Variants in PNPLA7 observed in about 807,000 individuals in gnomAD.
The protein encoded by PNPLA7 is patatin like domain 7, lysophospholipase.
A neutral mutation model predicts 161.7 loss-of-function variants in PNPLA7; 153 were observed. The ratio of observed to expected loss-of-function variants is 0.95; its 90% CI spans 0.83 to 1.08. The LOEUF is 1.08. Ranked by LOEUF, PNPLA7 falls within the 50% of genes least tolerant of loss-of-function variation. The pLI is 0.00. For missense variants in PNPLA7, 1,739 were observed against 1,856.6 expected (o/e 0.94, Z 1.16); for synonymous variants, 809 against 782.1 (o/e 1.03, Z -0.57).
At chr9:137,548,982 C>T (rs1468264510) in intron 1 of PNPLA7, among the ~76,000 whole-genome samples, 2 of 152,174 alleles carry the variant, frequency 1.3e-5, no homozygotes, top group African/African-American at 4.8e-5. Context: ...CTTAAGGAAG[C>T]GAAGTGAGTC....
Position 137,486,350 on chromosome 9 carries a change from G to A in PNPLA7, c.2198-1614C>T, listed in dbSNP as rs1278344040. ...GCACTGCGGGTAAGAGCCTGTGAAC[G>A]GGGAACATGGCTCGGAGAACCAGCG... On this transcript the variant is annotated intron_variant, in intron 20 of 34. Coordinates refer to ENST00000406427, the MANE Select transcript of PNPLA7 (RefSeq NM_001098537.3). This position sits in a 1 kb window ranked among gnomAD's most constrained non-coding sequence, Gnocchi z 6.0. Among the ~76,000 whole-genome samples, 2 of 152,180 alleles carry A rather than the reference G, an allele frequency of 1.3e-5. No individual in the cohort carries two copies. The highest frequency in any genetic ancestry group is 1.9e-4 in the East Asian group (1 of 5,192).
intron 21 of PNPLA7, among the ~76,000 whole-genome samples, chr9:137,483,727 G>C (rs1172261931): frequency 6.6e-6 from 1 of 152,082 alleles, no homozygotes; most frequent in African/African-American, 2.4e-5. Context: ...AAAGTGCTGG[G>C]ATTACAGGCA....
At chr9:137,474,947 G>A (rs1389843580) in intron 25 of PNPLA7, among the ~76,000 whole-genome samples, 3 of 145,978 alleles carry the variant, frequency 2.1e-5, no homozygotes, top group Admixed American at 6.7e-5. Context: ...CGTGAACCTG[G>A]GAGGCGGAGC....
intron 22 of PNPLA7, 65 bp downstream of exon 22, chr9:137,480,895 G>A (rs373349798): frequency 6.8e-7 from 1 of 1,479,888 alleles, no homozygotes; most frequent in Non-Finnish European, 9.2e-7. Context: ...TGGACACAGT[G>A]GGGACACATC....
chr9:137,500,669 G>A lies in PNPLA7; in HGVS notation c.1757+22C>T, dbSNP rs1431137599. The A allele has an allele frequency of 4.3e-6, 7 of 1,609,582 alleles. No homozygotes were observed. The African/African-American group carries it at 8.0e-5, about 18-fold the overall frequency. ...CAGGGGGGGCTGGGGCCCGCCCTGA[G>A]GTCCTGGCCCGTGGGACTCACTCAT... is the stretch of plus-strand genomic sequence containing the variant. On this transcript the variant is annotated intron_variant, in intron 16 of 34. Coordinates refer to ENST00000406427, the MANE Select transcript of PNPLA7 (RefSeq NM_001098537.3). This position sits in a 1 kb window ranked among gnomAD's most constrained non-coding sequence, Gnocchi z 5.5.
In PNPLA7 at chr9:137,495,781, C is replaced by T. The variant is rs536544030; in HGVS notation, c.2014-635G>A. ...TTTTTAAGATGTGTCCCTCAGCCTG[C>T]GGGAGCCCTGCCCTCTGGCACTGAG... On this transcript the variant is annotated intron_variant, in intron 18 of 34. Transcript: ENST00000406427. Among the ~76,000 whole-genome samples the T allele has an allele frequency of 2.3e-3, 355 of 152,268 alleles. 3 individuals are homozygous for T. The highest frequency in any genetic ancestry group is 0.018 in the South Asian group (85 of 4,824).
At position 137,546,841 on chromosome 9, in the gene PNPLA7, T is replaced by C. The variant is rs1836555952; in HGVS notation, c.262A>G (p.Ile88Val). Residue 88 changes from isoleucine (I) to valine (V), a missense_variant, in exon 4 of 35, where the codon ATC (isoleucine) becomes GTC (valine). Ile to Val is a conservative substitution (Grantham distance 29, BLOSUM62 3). Coordinates refer to ENST00000406427, the MANE Select transcript of PNPLA7 (RefSeq NM_001098537.3). Reference sequence around the variant, plus strand: ...CGAGCAACAGCTACCTTCCTCATGATCTTCCGGCCGTAAAACATCACTTTG... The same window carrying C: ...CGAGCAACAGCTACCTTCCTCATGACCTTCCGGCCGTAAAACATCACTTTG... ...RDKVMFYGRK[I>V]MRKVTTLPNT... The C allele has an allele frequency of 6.2e-7, 1 of 1,613,726 alleles. No individual in the cohort carries two copies. The highest frequency in any genetic ancestry group is 1.3e-5 in the African/African-American group (1 of 74,912).
intron 28 of PNPLA7, 41 bp downstream of exon 28, chr9:137,464,085 C>T (rs754319747): frequency 1.0e-5 from 16 of 1,600,208 alleles, no homozygotes; most frequent in Non-Finnish European, 1.3e-5. Flanking sequence ...CTGCCCACAC[C>T]TCGCACCCAA....
At chr9:137,492,430 C>G in intron 20 of PNPLA7, 1 of 171,532 alleles carries the variant, frequency 5.8e-6, no homozygotes, top group Non-Finnish European at 1.1e-5. Context: ...AAAAAAATTA[C>G]TGGGCTCGGG....
rs1449582326 is a variant in PNPLA7 at position 137,467,512 on chromosome 9, A to G, written c.2883-39T>C. 3 of 1,605,544 alleles carry G rather than the reference A, an allele frequency of 1.9e-6. No individual in the cohort carries two copies. Among genetic ancestry groups the G allele is most frequent in the Non-Finnish European group, 8.5e-7 (1 of 1,176,048 alleles). ...GGACACAGAGCAAGGAGTGAGTACC[A>G]GGCCCAGGCTGCGCCCTGCAGAGGC... On this transcript the variant is annotated intron_variant, in intron 25 of 34. Transcript: ENST00000406427. The surrounding 1 kb of genome is among the most constrained non-coding windows in gnomAD (Gnocchi z 5.1).
intron 20 of PNPLA7, among the ~76,000 whole-genome samples, chr9:137,485,066 C>T (rs903374877): frequency 2.6e-4 from 40 of 152,320 alleles, no homozygotes; most frequent in African/African-American, 9.1e-4. Flanking sequence ...CTAGGCCTCA[C>T]GCCTTCTCCA....
intron 21 of PNPLA7, among the ~76,000 whole-genome samples, chr9:137,483,886 CTT>C (rs1370590981): frequency 4.6e-5 from 7 of 152,300 alleles, no homozygotes; most frequent in South Asian, 2.1e-4. Flanking sequence ...CTGAAATACT[CTT>C]GTCACAATAT....
At chr9:137,489,616 C>T (rs1832672846) in intron 20 of PNPLA7, among the ~76,000 whole-genome samples, 1 of 152,224 alleles carries the variant, frequency 6.6e-6, no homozygotes, top group African/African-American at 2.4e-5. Flanking sequence ...CTAGAACCAG[C>T]AATCCTGAAC....
intron 8 of PNPLA7, among the ~76,000 whole-genome samples, chr9:137,531,468 C>T (rs1316550062): frequency 1.3e-5 from 2 of 152,178 alleles, no homozygotes; most frequent in Non-Finnish European, 2.9e-5. Flanking sequence ...CTGGGAAGCC[C>T]AGGTGGACAC....
At chr9:137,494,781 T>C (rs1160611113) in intron 19 of PNPLA7, among the ~76,000 whole-genome samples, 1 of 102,624 alleles carries the variant, frequency 9.7e-6, no homozygotes, top group African/African-American at 3.8e-5. Flanking sequence ...CGTGACCTCA[T>C]CCACTCCGCA....
At chr9:137,471,413 A>T (rs1831698051) in intron 25 of PNPLA7, among the ~76,000 whole-genome samples, 1 of 152,144 alleles carries the variant, frequency 6.6e-6, no homozygotes, top group Non-Finnish European at 1.5e-5. Context: ...AGCCTGGCCA[A>T]GATGGTGAAA....
rs1564315732 is a variant in PNPLA7 at position 137,499,332 on chromosome 9, GCAGA to G, written c.1758-1091_1758-1088del. ...CACATGGAGACACACAGAGACACAC[GCAGA>G]CACACGACACACGCAGACACACAGA... is the stretch of plus-strand genomic sequence containing the variant. On this transcript the variant is annotated intron_variant, in intron 16 of 34. Coordinates refer to ENST00000406427, the MANE Select transcript of PNPLA7 (RefSeq NM_001098537.3). The surrounding 1 kb of genome is among the most constrained non-coding windows in gnomAD (Gnocchi z 5.5). 2.0e-5 allele frequency among the ~76,000 whole-genome samples: 3 copies of G among 151,822 alleles called. No homozygotes were observed. The highest frequency in any genetic ancestry group is 4.4e-5 in the Non-Finnish European group (3 of 67,932).
At chr9:137,503,875 G>A (rs1416317021) in intron 14 of PNPLA7, among the ~76,000 whole-genome samples, 1 of 101,550 alleles carries the variant, frequency 9.8e-6, no homozygotes. Context: ...GAGGAAGGAA[G>A]AAGAAAGAAG....
Position 137,523,841 on chromosome 9 carries a change from A to G in PNPLA7, c.748-984T>C, listed in dbSNP as rs1179042556. 4.6e-5 allele frequency among the ~76,000 whole-genome samples: 7 copies of G among 152,118 alleles called. No individual in the cohort carries two copies. The highest frequency in any genetic ancestry group is 1.0e-4 in the Non-Finnish European group (7 of 68,018). ...GAGACAGGGTTTCACTGTGTTAGCC[A>G]GGAGGGTCTCGATCTCCTGACCTCG... On this transcript the variant is annotated intron_variant, in intron 8 of 34. Coordinates refer to ENST00000406427, the MANE Select transcript of PNPLA7 (RefSeq NM_001098537.3). The surrounding 1 kb of genome is among the most constrained non-coding windows in gnomAD (Gnocchi z 4.4).
Sources: gnomAD v4.1 joint callset for allele counts (sites outside exome capture counted in the v4.1 genomes callset) on GRCh38, gnomAD v4.1.1 for gene constraint, Gnocchi (gnomAD v3.1) non-coding constraint, MANE v1.5 for transcripts, NCBI Gene and HGNC (gene_info 2026-07-23, HGNC 2026-07-21) for gene names.